FAM184B: variants seen among roughly 807,000 people sequenced by gnomAD.
FAM184B encodes the protein protein FAM184B.
A neutral mutation model predicts 135.9 loss-of-function variants in FAM184B; 111 were observed. The ratio of observed to expected loss-of-function variants is 0.82; its 90% CI spans 0.70 to 0.96. FAM184B has a LOEUF of 0.96. FAM184B is among the 40% of genes least tolerant of loss of function. FAM184B has a pLI of 0.00. For missense variants in FAM184B, 1,375 were observed against 1,323.9 expected (o/e 1.04, Z -0.60); for synonymous variants, 552 against 524.8 (o/e 1.05, Z -0.71).
intron 5 of FAM184B, among the ~76,000 whole-genome samples, chr4:17,698,451 A>G (rs911931406): frequency 6.6e-6 from 1 of 152,220 alleles, no homozygotes; most frequent in African/African-American, 2.4e-5. Flanking sequence ...ATTACCATGT[A>G]GAGATTTCAG....
chr4:17,688,854 G>A (rs1716656589), intron 6 of FAM184B, among the ~76,000 whole-genome samples: 1 of 151,922 alleles, frequency 6.6e-6, no homozygotes, highest in South Asian at 2.1e-4. Context: ...ACCACGCCCA[G>A]CTAATTTTTT....
At chr4:17,643,448 C>A (rs1206782466) in intron 12 of FAM184B, among the ~76,000 whole-genome samples, 2 of 151,974 alleles carry the variant, frequency 1.3e-5, no homozygotes, top group African/African-American at 4.8e-5. Context: ...CATGGGTGGC[C>A]ACGTATCGGC....
intron 5 of FAM184B, among the ~76,000 whole-genome samples, chr4:17,700,771 A>C (rs754360758): frequency 2.6e-5 from 4 of 152,226 alleles, no homozygotes; most frequent in Non-Finnish European, 4.4e-5. Flanking sequence ...TTTCAAAGGA[A>C]TGAAATGACT....
chr4:17,636,665 A>G lies in FAM184B; in HGVS notation c.2667-20T>C, dbSNP rs924448079. On this transcript the variant is annotated intron_variant, in intron 14 of 17. Transcript: ENST00000265018. ...TTCAGTCTGTTCCAAGCAGGCATGC[A>G]GTCAAGTCCCCCTTACAGCAATTAC... is the stretch of plus-strand genomic sequence containing the variant. 164 of 1,522,708 alleles carry G rather than the reference A, an allele frequency of 1.1e-4. No individual in the cohort carries two copies. The highest frequency in any genetic ancestry group is 1.7e-4 in the Middle Eastern group (1 of 5,904). 94.3% of individuals were successfully genotyped at this position (1,522,708 alleles called of 1,614,324 possible).
At chr4:17,721,697 G>C (rs1159437175) in intron 1 of FAM184B, among the ~76,000 whole-genome samples, 2 of 152,206 alleles carry the variant, frequency 1.3e-5, no homozygotes, top group Middle Eastern at 6.3e-3. Flanking sequence ...ATCCATGTTA[G>C]CGAGTGCTGA....
chr4:17,652,753 C>T, intron 11 of FAM184B, 77 bp downstream of exon 11: 1 of 1,481,578 alleles, frequency 6.7e-7, no homozygotes. Context: ...GAGCCCTGGC[C>T]CTCAGCTTGT....
intron 11 of FAM184B, among the ~76,000 whole-genome samples, chr4:17,648,574 G>A (rs539953837): frequency 8.9e-4 from 134 of 151,330 alleles, no homozygotes; most frequent in African/African-American, 3.2e-3. Flanking sequence ...GGCTGGTCTC[G>A]AACTCCTGAC....
chr4:17,765,683 A>G (rs1309085742), intron 1 of FAM184B, among the ~76,000 whole-genome samples: 1 of 152,172 alleles, frequency 6.6e-6, no homozygotes, highest in Non-Finnish European at 1.5e-5. Context: ...TTGTTCTTGA[A>G]ATTATGTAAT....
At chr4:17,671,588 A>C (rs914925920) in intron 7 of FAM184B, among the ~76,000 whole-genome samples, 4 of 152,132 alleles carry the variant, frequency 2.6e-5, no homozygotes, top group African/African-American at 9.7e-5. Context: ...TAATGCATGG[A>C]CACCAACACA....
At chr4:17,660,227 G>T in intron 8 of FAM184B, 140 bp from the exon 9 acceptor site, 1 of 1,065,798 alleles carries the variant, frequency 9.4e-7, no homozygotes, top group Middle Eastern at 3.1e-4. Flanking sequence ...ATCTTGCTTG[G>T]CTTTCAAAAA....
chr4:17,697,419 C>T (rs78680472), intron 5 of FAM184B, among the ~76,000 whole-genome samples: 1 of 150,618 alleles, frequency 6.6e-6, no homozygotes, highest in African/African-American at 2.4e-5. Context: ...AAAAAAAACC[C>T]TGGATATTTA....
chr4:17,655,485 A>G (rs763988627), intron 10 of FAM184B, among the ~76,000 whole-genome samples: 1 of 152,186 alleles, frequency 6.6e-6, no homozygotes, highest in Non-Finnish European at 1.5e-5. Flanking sequence ...TCCAGCTGCT[A>G]TGGGAGGGTT....
intron 7 of FAM184B, among the ~76,000 whole-genome samples, chr4:17,677,405 T>C (rs745678838): frequency 7.9e-5 from 12 of 152,154 alleles, no homozygotes; most frequent in Non-Finnish European, 2.9e-5. Context: ...TGAACACCTT[T>C]ACATGCATAA....
rs1716645485 is a variant in FAM184B at position 17,688,523 on chromosome 4, C to A, written c.1497G>T (p.Arg499Ser). The A allele has an allele frequency of 6.5e-7, 1 of 1,548,180 alleles. No individual in the cohort carries two copies. Among genetic ancestry groups the A allele is most frequent in the Non-Finnish European group, 8.7e-7 (1 of 1,146,210 alleles). ...KLQNSLLEVL[R>S]LEEFIQQNKT... ...TATTTTGTTGGATAAATTCTTCCAGCCTTAAAACCTAAAACAGGAGATAAG... is the reference window on the plus strand; with the variant it reads ...TATTTTGTTGGATAAATTCTTCCAGACTTAAAACCTAAAACAGGAGATAAG... Residue 499 changes from arginine (R) to serine (S), a missense_variant, in exon 7 of 18, where the codon AGG becomes AGT. Arg to Ser is a moderately radical substitution (Grantham distance 110). Transcript: ENST00000265018.
chr4:17,697,822 G>C (rs1332891550), intron 5 of FAM184B, among the ~76,000 whole-genome samples: 1 of 152,082 alleles, frequency 6.6e-6, no homozygotes, highest in Non-Finnish European at 1.5e-5. Flanking sequence ...ATTAATCATA[G>C]CTTCAGCTGT....
chr4:17,638,504 T>C (rs1715214890), intron 14 of FAM184B, among the ~76,000 whole-genome samples: 1 of 151,940 alleles, frequency 6.6e-6, no homozygotes. Context: ...GCACAGCCTG[T>C]TTGCTTATTT....
rs1417960760 is a variant in FAM184B, at chr4:17,679,821, C to T, written c.1596+8603G>A. 1.6e-4 allele frequency among the ~76,000 whole-genome samples: 25 copies of T among 152,014 alleles called. 1 individual carries two copies. Among genetic ancestry groups the T allele is most frequent in the Admixed American group, 1.6e-3 (25 of 15,240 alleles). ...GGTTAAAAAAAAATTGTGATATATA[C>T]ATACCATGGAATACTACTCAGCCAT... On this transcript the variant is annotated intron_variant, in intron 7 of 17. Transcript: ENST00000265018.
intron 1 of FAM184B, among the ~76,000 whole-genome samples, chr4:17,755,276 G>A (rs1718392784): frequency 6.6e-6 from 1 of 151,936 alleles, no homozygotes; most frequent in South Asian, 2.1e-4. Context: ...AACAAAAGAA[G>A]ACATTCATAC....
At chr4:17,691,744 G>A (rs1008850854) in intron 6 of FAM184B, among the ~76,000 whole-genome samples, 20 of 150,764 alleles carry the variant, frequency 1.3e-4, no homozygotes, top group African/African-American at 4.9e-4. Flanking sequence ...CACAGAAATA[G>A]GTCAGGGCCC....
Sources: allele counts gnomAD v4.1 joint callset (sites outside exome capture counted in the v4.1 genomes callset), GRCh38; gene constraint gnomAD v4.1.1; transcripts MANE v1.5; gene names NCBI Gene and HGNC (gene_info 2026-07-23, HGNC 2026-07-21).